Variants in PHEX observed in about 807,000 individuals in gnomAD.
The protein encoded by PHEX is phosphate-regulating neutral endopeptidase PHEX.
In PHEX, 16 loss-of-function variants were observed where a neutral mutation model predicts 68.0. That is an observed-to-expected ratio of 0.24 (90% confidence interval 0.16 to 0.36). The LOEUF is 0.36. Ranked by LOEUF, PHEX falls within the 10% of genes least tolerant of loss-of-function variation. The probability of loss-of-function intolerance (pLI) is 1.00; values close to 1 mark genes in which losing one functional copy is unlikely to be tolerated. For missense variants in PHEX, 480 were observed against 575.5 expected, an observed-to-expected ratio of 0.83 and a Z score of 1.70; for synonymous variants, 208 against 205.1, an observed-to-expected ratio of 1.01 and a Z score of -0.12.
At chrX:22,148,394 G>A in intron 12 of PHEX, among the ~76,000 whole-genome samples, 1 of 111,989 alleles carries the variant, frequency 8.9e-6, no homozygotes, top group African/African-American at 3.2e-5. Context: ...TTGGGGTACA[G>A]TGTGATGTTT....
chrX:22,126,864 G>GTTTTTTTTTT (rs35691469), intron 11 of PHEX, among the ~76,000 whole-genome samples: 1 of 54,600 alleles, frequency 1.8e-5, no homozygotes, highest in Non-Finnish European at 3.2e-5. Context: ...TGAAATAGTT[G>GTTTTTTTTTT]TTTTTTTTTT....
Position 22,192,789 on chromosome X carries a change from C to T in PHEX, c.1645+2287C>T, listed in dbSNP as rs576410290. Among the ~76,000 whole-genome samples the T allele has an allele frequency of 2.1e-4, 23 of 111,943 alleles. No individual in the cohort carries two copies. The South Asian group carries it at 8.5e-3, about 41-fold the overall frequency. Reference sequence around the variant, plus strand: ...AGTTGGCCAGTCTGCCGTGGGTCCTCCATACTGGCCGTTGTTCCTACAGGA... The same window carrying T: ...AGTTGGCCAGTCTGCCGTGGGTCCTTCATACTGGCCGTTGTTCCTACAGGA... On this transcript the variant is annotated intron_variant, in intron 15 of 21. Coordinates refer to ENST00000379374, the MANE Select transcript of PHEX (RefSeq NM_000444.6).
chrX:22,217,639 T>C (rs1206458512), intron 16 of PHEX, among the ~76,000 whole-genome samples: 1 of 112,097 alleles, frequency 8.9e-6, no homozygotes, highest in Non-Finnish European at 1.9e-5. Context: ...ATAAGGATTC[T>C]AAGTGGTGTG....
At chrX:22,044,111 C>T (rs974521014) in intron 2 of PHEX, among the ~76,000 whole-genome samples, 2 of 110,868 alleles carry the variant, frequency 1.8e-5, no homozygotes, top group Admixed American at 9.7e-5. Context: ...TCAGAGCTGA[C>T]CTTGCAGTTT....
At chrX:22,235,524 C>T (rs1295931395) in intron 20 of PHEX, among the ~76,000 whole-genome samples, 1 of 111,033 alleles carries the variant, frequency 9.0e-6, no homozygotes, top group Non-Finnish European at 1.9e-5. Flanking sequence ...GCCAATTTCT[C>T]TCTGTGTCCT....
At chrX:22,125,168 A>C (rs964191767) in intron 11 of PHEX, among the ~76,000 whole-genome samples, 1 of 111,893 alleles carries the variant, frequency 8.9e-6, no homozygotes, top group Admixed American at 9.5e-5. Flanking sequence ...CAATTGCCAG[A>C]AAGAAAATTT....
At chrX:22,189,324 T>G (rs1934125009) in intron 14 of PHEX, among the ~76,000 whole-genome samples, 1 of 112,540 alleles carries the variant, frequency 8.9e-6, no homozygotes, top group Non-Finnish European at 1.9e-5. Flanking sequence ...GGTAGCTCCA[T>G]TTTTAGTTCT....
chrX:22,047,536 G>GC (rs1328922452), intron 3 of PHEX, among the ~76,000 whole-genome samples: 12 of 112,136 alleles, frequency 1.1e-4, no homozygotes, highest in Non-Finnish European at 1.3e-4. Flanking sequence ...GTTGTATTCA[G>GC]AGTAAACTTC....
At chrX:22,114,356 T>C in intron 10 of PHEX, 102 bp from the exon 11 acceptor site, 1 of 731,328 alleles carries the variant, frequency 1.4e-6, no homozygotes, top group South Asian at 2.1e-5. Flanking sequence ...TGGGTTAGGG[T>C]GTGCAGTGTT....
At chrX:22,057,402 G>A (rs762238523) in intron 3 of PHEX, among the ~76,000 whole-genome samples, 97 of 111,137 alleles carry the variant, frequency 8.7e-4, no homozygotes, top group Non-Finnish European at 1.5e-3. Flanking sequence ...CCAGGAGTTT[G>A]AGACCAGCCT....
chrX:22,111,451 C>T lies in PHEX; in HGVS notation c.1080-16C>T. 8.7e-7 allele frequency: 1 copy of T among 1,151,832 alleles called. No homozygotes were observed. Among genetic ancestry groups the T allele is most frequent in the East Asian group, 3.0e-5 (1 of 33,598 alleles). The allele number at this position is 1,151,832 out of a possible 1,213,427, so 94.9% of individuals were successfully genotyped here. Reference sequence around the variant, plus strand: ...GACCTAAAATACAATAAATGGGCATCTCTCTCTGTTAACAGGACCATTGCC... The same window carrying T: ...GACCTAAAATACAATAAATGGGCATTTCTCTCTGTTAACAGGACCATTGCC... On this transcript the variant is annotated splice_polypyrimidine_tract_variant and intron_variant, in intron 9 of 21. Coordinates refer to ENST00000379374, the MANE Select transcript of PHEX (RefSeq NM_000444.6).
chrX:22,142,184 G>A (rs1661330094), intron 12 of PHEX, among the ~76,000 whole-genome samples: 2 of 111,750 alleles, frequency 1.8e-5, no homozygotes, highest in African/African-American at 3.3e-5. Context: ...CCCGGAAGGC[G>A]GAGGTTGCAG....
At chrX:22,114,959 G>A (rs1286898170) in intron 11 of PHEX, among the ~76,000 whole-genome samples, 1 of 111,858 alleles carries the variant, frequency 8.9e-6, no homozygotes, top group African/African-American at 3.3e-5. Flanking sequence ...TGTTTCAACT[G>A]CATTGGAGAA....
At chrX:22,188,211 C>T (rs758676765) in intron 14 of PHEX, among the ~76,000 whole-genome samples, 4 of 111,470 alleles carry the variant, frequency 3.6e-5, no homozygotes, top group East Asian at 2.8e-4. Context: ...TCCTATTAGA[C>T]GTAAATGAGT....
In PHEX at chrX:22,035,249, C is replaced by T. The variant is rs777718275; in HGVS notation, c.118+2126C>T. Among the ~76,000 whole-genome samples, 8 of 111,635 alleles carry T rather than the reference C, an allele frequency of 7.2e-5. No homozygotes were observed. In the East Asian group the frequency reaches 2.3e-3, roughly 32 times the overall value. On this transcript the variant is annotated intron_variant, in intron 1 of 21. Coordinates refer to ENST00000379374, the MANE Select transcript of PHEX (RefSeq NM_000444.6). ...GTGATTGCCAGTGGTCTTGCAGTGGCTTCTGAGAAGCTACAGAGCACCAGA... is the reference window on the plus strand; with the variant it reads ...GTGATTGCCAGTGGTCTTGCAGTGGTTTCTGAGAAGCTACAGAGCACCAGA...
intron 5 of PHEX, 57 bp downstream of exon 5, chrX:22,077,759 G>A (rs1331164192): frequency 1.6e-5 from 14 of 872,446 alleles, no homozygotes; most frequent in Non-Finnish European, 2.4e-5. Context: ...CTTTTGGGGT[G>A]CCATCCTGGG....
chrX:22,085,121 G>A (rs1361120217), intron 5 of PHEX, among the ~76,000 whole-genome samples: 3 of 111,062 alleles, frequency 2.7e-5, no homozygotes, highest in Non-Finnish European at 1.9e-5. Flanking sequence ...TTTTGATGTA[G>A]GCTTTTATTG....
chrX:22,149,931 A>G (rs1429840673), intron 12 of PHEX, among the ~76,000 whole-genome samples: 1 of 111,802 alleles, frequency 8.9e-6, no homozygotes, highest in Non-Finnish European at 1.9e-5. Context: ...ATGAGGAAAA[A>G]TGACAGAATA....
Position 22,132,575 on chromosome X carries a change from T to G in PHEX, c.1303-948T>G, listed in dbSNP as rs144299238. Among the ~76,000 whole-genome samples, 8 of 111,966 alleles carry G rather than the reference T, an allele frequency of 7.1e-5. No individual in the cohort carries two copies. The East Asian group carries it at 8.5e-4, about 12-fold the overall frequency. On this transcript the variant is annotated intron_variant, in intron 11 of 21. Coordinates refer to ENST00000379374, the MANE Select transcript of PHEX (RefSeq NM_000444.6). ...ATAAGTGTGATTCATATTGGTGAAG[T>G]GTCCTTTGGGGTGCTAAGTCTCCCT...
Sources: gnomAD v4.1 joint callset for allele counts (sites outside exome capture counted in the v4.1 genomes callset) on GRCh38, gnomAD v4.1.1 for gene constraint, MANE v1.5 for transcripts, NCBI Gene and HGNC (gene_info 2026-07-23, HGNC 2026-07-21) for gene names.